CACNB4: variants seen among roughly 807,000 people sequenced by gnomAD.
CACNB4 encodes the protein calcium voltage-gated channel auxiliary subunit beta 4, also known as voltage-dependent L-type calcium channel subunit beta-4.
Under a neutral mutation model 71.2 loss-of-function variants are expected in CACNB4, and 32 were observed. That is an observed-to-expected ratio of 0.45 (90% confidence interval 0.34 to 0.60). The LOEUF (loss-of-function observed/expected upper bound fraction) is 0.60, where lower values mean the gene tolerates loss of function less well. Among genes scored for constraint, CACNB4 ranks in the 20% least tolerant of loss-of-function variants. The probability of loss-of-function intolerance (pLI) is 0.01; values close to 1 mark genes in which losing one functional copy is unlikely to be tolerated. For synonymous variants in CACNB4, 231 were observed against 236.9 expected (o/e 0.97, Z 0.23); for missense variants, 464 against 647.9 (o/e 0.72, Z 3.08).
In CACNB4 at chr2:151,943,306, T is replaced by G. The variant is rs563296622; in HGVS notation, c.148-59936A>C. On this transcript the variant is annotated intron_variant, in intron 2 of 13. Coordinates refer to ENST00000539935, the MANE Select transcript of CACNB4 (RefSeq NM_000726.5). Reference sequence around the variant, plus strand: ...GGGTTCCCCCAATAGTGCTGCTGGTTCTGAAATGTGTTCTGCCCAAATTGT... The same window carrying G: ...GGGTTCCCCCAATAGTGCTGCTGGTGCTGAAATGTGTTCTGCCCAAATTGT... Among the ~76,000 whole-genome samples the G allele has an allele frequency of 3.9e-5, 6 of 152,288 alleles. No homozygotes were observed. In the East Asian group the frequency reaches 1.2e-3, roughly 29 times the overall value.
chr2:152,088,303 TAAG>T (rs1033751997), intron 2 of CACNB4, among the ~76,000 whole-genome samples: 2 of 152,074 alleles, frequency 1.3e-5, no homozygotes, highest in Non-Finnish European at 2.9e-5. Context: ...TTGGGCCATT[TAAG>T]AAGAAAAAAA....
intron 4 of CACNB4, among the ~76,000 whole-genome samples, chr2:151,878,921 A>AAAAAG (rs1282161082): frequency 2.6e-5 from 4 of 152,216 alleles, no homozygotes; most frequent in Non-Finnish European, 4.4e-5. Flanking sequence ...CAAAAAAATA[A>AAAAAG]AAAAGAAAAG....
intron 2 of CACNB4, among the ~76,000 whole-genome samples, chr2:152,092,734 T>C (rs1014646563): frequency 2.6e-5 from 4 of 152,040 alleles, no homozygotes; most frequent in African/African-American, 9.7e-5. Flanking sequence ...GTATAATATA[T>C]AGTAGTCCAC....
At chr2:151,974,645 A>G (rs975575139) in intron 2 of CACNB4, among the ~76,000 whole-genome samples, 4 of 152,142 alleles carry the variant, frequency 2.6e-5, no homozygotes, top group African/African-American at 9.7e-5. Context: ...CCCATGCACA[A>G]ATCTTTAATA....
At chr2:151,842,882 A>G (rs180675497) in intron 12 of CACNB4, among the ~76,000 whole-genome samples, 1 of 152,218 alleles carries the variant, frequency 6.6e-6, no homozygotes, top group Non-Finnish European at 1.5e-5. Context: ...GAAGGGAATA[A>G]CATTTACTTA....
intron 2 of CACNB4, among the ~76,000 whole-genome samples, chr2:152,034,103 T>A (rs893767344): frequency 6.6e-6 from 1 of 152,168 alleles, no homozygotes; most frequent in African/African-American, 2.4e-5. Context: ...CACTTCCAAA[T>A]AAAACCTGTC....
At chr2:151,906,283 G>A (rs2099854793) in intron 2 of CACNB4, among the ~76,000 whole-genome samples, 1 of 152,186 alleles carries the variant, frequency 6.6e-6, no homozygotes, top group African/African-American at 2.4e-5. Flanking sequence ...CATCACATGA[G>A]TTTTCAAAAA....
At chr2:151,869,072 A>G (rs1263697502) in intron 9 of CACNB4, 105 bp downstream of exon 9, 7 of 703,696 alleles carry the variant, frequency 9.9e-6, no homozygotes, top group Non-Finnish European at 1.7e-5. Context: ...TTAACTTTTA[A>G]CTAGAGAACT....
intron 2 of CACNB4, among the ~76,000 whole-genome samples, chr2:151,936,666 C>A (rs2099862991): frequency 6.6e-6 from 1 of 152,220 alleles, no homozygotes; most frequent in Admixed American, 6.5e-5. Context: ...TAAAAGGCAG[C>A]CTTGCAGGGA....
At chr2:151,876,375 T>C (rs977567235) in intron 5 of CACNB4, 51 bp downstream of exon 5, 28 of 1,530,472 alleles carry the variant, frequency 1.8e-5, no homozygotes, top group Middle Eastern at 1.7e-4. Context: ...CTTGAAAATA[T>C]CACCCAATTT....
chr2:152,072,276 A>C (rs566643234), intron 2 of CACNB4, among the ~76,000 whole-genome samples: 117 of 152,346 alleles, frequency 7.7e-4, no homozygotes, highest in Admixed American at 2.5e-3. Flanking sequence ...ATTCCAGACC[A>C]AGGGAGCACA....
intron 2 of CACNB4, among the ~76,000 whole-genome samples, chr2:151,956,184 C>T (rs567727794): frequency 7.2e-5 from 11 of 152,238 alleles, no homozygotes; most frequent in South Asian, 4.2e-4. Flanking sequence ...TTAAAGATGA[C>T]GCATTTTGAT....
intron 3 of CACNB4, 118 bp from the exon 4 acceptor site, chr2:151,881,040 TG>T: frequency 9.8e-7 from 1 of 1,022,596 alleles, no homozygotes; most frequent in South Asian, 1.9e-5. Context: ...GGATCTCAAA[TG>T]AGTTTTACAT....
At chr2:152,019,338 G>A (rs1206566467) in intron 2 of CACNB4, among the ~76,000 whole-genome samples, 1 of 152,132 alleles carries the variant, frequency 6.6e-6, no homozygotes, top group African/African-American at 2.4e-5. Flanking sequence ...TCACTTCTAC[G>A]TTTGATGGTC....
chr2:152,072,460 C>T (rs1686748694), intron 2 of CACNB4, among the ~76,000 whole-genome samples: 1 of 152,140 alleles, frequency 6.6e-6, no homozygotes. Flanking sequence ...ACTTACTTTT[C>T]CTAAACAACA....
intron 2 of CACNB4, among the ~76,000 whole-genome samples, chr2:152,047,628 T>C (rs892966357): frequency 5.3e-5 from 8 of 152,228 alleles, no homozygotes; most frequent in African/African-American, 1.4e-4. Context: ...GCACGGTGGC[T>C]CACGCCTGTA....
Position 151,876,434 on chromosome 2 carries a change from A to G in CACNB4, c.513T>C (p.Phe171=). ...RIQQEQKRGR[F]HGGKSSGNSS... ...AAAAGATGGGAACGTACCCTCCGTG[A>G]AAACGTCCTCTTTTTTGTTCTTGCT... is the stretch of plus-strand genomic sequence containing the variant. Residue 171 remains phenylalanine, a synonymous_variant, in exon 5 of 14, where the codon TTT becomes TTC. Transcript: ENST00000539935. The G allele has an allele frequency of 6.3e-7, 1 of 1,595,332 alleles. No homozygotes were observed. The highest frequency in any genetic ancestry group is 8.6e-7 in the Non-Finnish European group (1 of 1,168,336).
At chr2:151,972,718 T>A (rs918327933) in intron 2 of CACNB4, 5 of 151,888 alleles carry the variant, frequency 3.3e-5, no homozygotes, top group African/African-American at 1.2e-4. Context: ...TTTTTTTTTG[T>A]TATAACCTGT....
chr2:151,902,280 T>C (rs536151206), intron 2 of CACNB4, among the ~76,000 whole-genome samples: 55 of 152,218 alleles, frequency 3.6e-4, no homozygotes, highest in African/African-American at 1.2e-3. Flanking sequence ...ATCCTCCCCA[T>C]TCAGCATCCC....
Sources: gnomAD v4.1 joint callset for allele counts (sites outside exome capture counted in the v4.1 genomes callset) on GRCh38, gnomAD v4.1.1 for gene constraint, MANE v1.5 for transcripts, NCBI Gene and HGNC (gene_info 2026-07-23, HGNC 2026-07-21) for gene names.